EML5: variants seen among roughly 807,000 people sequenced by gnomAD.
The protein encoded by EML5 is EMAP like 5, also known as echinoderm microtubule-associated protein-like 5.
A neutral mutation model predicts 250.0 loss-of-function variants in EML5; 120 were observed. That is an observed-to-expected ratio of 0.48 (90% CI 0.41 to 0.56). The LOEUF (loss-of-function observed/expected upper bound fraction) is 0.56, where lower values mean the gene tolerates loss of function less well. EML5 is among the 20% of genes least tolerant of loss of function. The probability of loss-of-function intolerance (pLI) is 0.00; values close to 1 mark genes in which losing one functional copy is unlikely to be tolerated. For synonymous variants in EML5, 771 were observed against 806.5 expected (o/e 0.96, Z 0.75); for missense variants, 2,006 against 2,437.6 (o/e 0.82, Z 3.73).
intron 14 of EML5, among the ~76,000 whole-genome samples, chr14:88,700,661 C>T (rs993363107): frequency 2.0e-5 from 3 of 152,084 alleles, no homozygotes; most frequent in Non-Finnish European, 4.4e-5. Flanking sequence ...CATCTGTCTA[C>T]CTGAAAACTC....
At chr14:88,688,986 TATC>T (rs765144330) in intron 17 of EML5, among the ~76,000 whole-genome samples, 7 of 152,342 alleles carry the variant, frequency 4.6e-5, no homozygotes, top group Non-Finnish European at 8.8e-5. Flanking sequence ...TTTCTATAAA[TATC>T]ATCCTGTATG....
chr14:88,750,709 T>C (rs1262318948), intron 2 of EML5, among the ~76,000 whole-genome samples: 1 of 152,156 alleles, frequency 6.6e-6, no homozygotes, highest in Non-Finnish European at 1.5e-5. Context: ...TATAAAAAGA[T>C]ACAGAATACA....
chr14:88,726,694 T>A lies in EML5; in HGVS notation c.1050-16A>T, dbSNP rs1281928931. 6.6e-7 allele frequency: 1 copy of A among 1,505,704 alleles called. No homozygotes were observed. Among genetic ancestry groups the A allele is most frequent in the Admixed American group, 2.3e-5 (1 of 44,066 alleles). The allele number at this position is 1,505,704 out of a possible 1,614,324, so 93.3% of individuals were successfully genotyped here. On this transcript the variant is annotated splice_polypyrimidine_tract_variant and intron_variant, in intron 7 of 43. Transcript: ENST00000554922. Reference sequence around the variant, plus strand: ...GCTCCATATCCTGTAAAATTTAATTTAAAAAATAAAAAAGGTTAGCTAATG... The same window carrying A: ...GCTCCATATCCTGTAAAATTTAATTAAAAAAATAAAAAAGGTTAGCTAATG...
At chr14:88,638,713 T>A (rs1567044589) in intron 32 of EML5, 96 bp downstream of exon 32, 1 of 1,037,142 alleles carries the variant, frequency 9.6e-7, no homozygotes, top group Non-Finnish European at 1.4e-6. Context: ...GAACAATCGA[T>A]AAATCAATAA....
chr14:88,765,927 C>T (rs994320999), intron 1 of EML5, among the ~76,000 whole-genome samples: 1 of 152,188 alleles, frequency 6.6e-6, no homozygotes, highest in Non-Finnish European at 1.5e-5. Flanking sequence ...GGCAGAAGAA[C>T]ATAAATTGTG....
At chr14:88,791,037 C>T (rs1410422471) in intron 1 of EML5, among the ~76,000 whole-genome samples, 4 of 152,146 alleles carry the variant, frequency 2.6e-5, no homozygotes, top group Non-Finnish European at 5.9e-5. Flanking sequence ...AAAAAACCAA[C>T]TGAATACAGA....
intron 21 of EML5, among the ~76,000 whole-genome samples, chr14:88,680,496 T>C (rs1003608788): frequency 6.6e-6 from 1 of 151,930 alleles, no homozygotes; most frequent in African/African-American, 2.4e-5. Flanking sequence ...ATGATTTATG[T>C]AATCCCAGTT....
intron 21 of EML5, among the ~76,000 whole-genome samples, chr14:88,669,417 T>C (rs542727334): frequency 4.5e-4 from 68 of 152,130 alleles, no homozygotes; most frequent in Non-Finnish European, 7.8e-4. Context: ...CCTGGGAAAA[T>C]AGACAGTTTA....
rs769524377 is a variant in EML5 at position 88,658,341 on chromosome 14, G to C, written c.3723C>G (p.Val1241=). 6.2e-7 allele frequency: 1 copy of C among 1,613,740 alleles called. No homozygotes were observed. Among genetic ancestry groups the C allele is most frequent in the Non-Finnish European group, 8.5e-7 (1 of 1,179,798 alleles). The change falls in exon 26 of 44, where the codon GTC becomes GTG. Residue 1241 remains valine (V), a synonymous_variant. Coordinates refer to ENST00000554922, the MANE Select transcript of EML5 (RefSeq NM_183387.3). ...CATCATAAGTCCAGCGAACATTTGTGACATGTGTACTATGGGCCACATACC... is the reference window on the plus strand; with the variant it reads ...CATCATAAGTCCAGCGAACATTTGTCACATGTGTACTATGGGCCACATACC... The part of the protein sequence containing the change: ...FKRYVAHSTH[V]TNVRWTYDDS...
At position 88,709,151 on chromosome 14, in the gene EML5, T is replaced by C. The variant is rs560607978; in HGVS notation, c.1658-2725A>G. The stretch of plus-strand genomic sequence containing the variant: ...TTTAATGATATTAAACTTCTAGATA[T>C]GGGAATAATAAATATATGAAAATAT... On this transcript the variant is annotated intron_variant, in intron 10 of 43. Coordinates refer to ENST00000554922, the MANE Select transcript of EML5 (RefSeq NM_183387.3). Among the ~76,000 whole-genome samples, 43 of 120,378 alleles carry C rather than the reference T, an allele frequency of 3.6e-4. 1 individual carries two copies. The highest frequency in any genetic ancestry group is 1.1e-3 in the Admixed American group (13 of 11,806). The allele number at this position is 120,378 out of a possible 152,430, so 79.0% of individuals were successfully genotyped here. A position where few individuals can be genotyped will look rare whatever the true frequency, so the allele number is the denominator to read the frequency against.
At chr14:88,696,802 C>A in intron 15 of EML5, 45 bp downstream of exon 15, 1 of 1,358,770 alleles carries the variant, frequency 7.4e-7, no homozygotes, top group Non-Finnish European at 1.0e-6. Flanking sequence ...CTATGTGTTG[C>A]CTCTGCATTT....
intron 2 of EML5, among the ~76,000 whole-genome samples, chr14:88,752,868 G>A (rs1223017081): frequency 6.6e-6 from 1 of 152,172 alleles, no homozygotes; most frequent in South Asian, 2.1e-4. Flanking sequence ...TTTGGCCCAG[G>A]ATGGTCAGGA....
At chr14:88,641,090 C>T (rs1567048416) in intron 31 of EML5, among the ~76,000 whole-genome samples, 1 of 152,004 alleles carries the variant, frequency 6.6e-6, no homozygotes. Context: ...CTTAAACAGA[C>T]CAATAATGAG....
At chr14:88,746,454 T>C (rs1164711311) in intron 2 of EML5, among the ~76,000 whole-genome samples, 171 bp from the exon 3 acceptor site, 1 of 152,224 alleles carries the variant, frequency 6.6e-6, no homozygotes, top group East Asian at 1.9e-4. Context: ...CTTGTTAGTG[T>C]TTCCACATAT....
intron 33 of EML5, among the ~76,000 whole-genome samples, chr14:88,630,463 C>G (rs2090378778): frequency 6.6e-6 from 1 of 152,128 alleles, no homozygotes; most frequent in South Asian, 2.1e-4. Context: ...TTCTTCCTAC[C>G]AAGGCTCCAG....
At chr14:88,735,227 T>G (rs2093821500) in intron 7 of EML5, among the ~76,000 whole-genome samples, 1 of 152,210 alleles carries the variant, frequency 6.6e-6, no homozygotes, top group African/African-American at 2.4e-5. Context: ...GTAAAAGGCC[T>G]GAGAATTTGC....
At chr14:88,618,918 G>T (rs2088280795) in intron 39 of EML5, 106 bp from the exon 40 acceptor site, 3 of 1,136,460 alleles carry the variant, frequency 2.6e-6, no homozygotes, top group Non-Finnish European at 3.6e-6. Context: ...GTGTGATAAG[G>T]CCTCAAATAG....
intron 21 of EML5, among the ~76,000 whole-genome samples, chr14:88,671,626 A>C (rs1459080350): frequency 6.6e-6 from 1 of 152,166 alleles, no homozygotes; most frequent in Non-Finnish European, 1.5e-5. Context: ...AAAGAGTCAC[A>C]ACCCACTGGT....
At chr14:88,665,648 A>G (rs79495531) in intron 21 of EML5, among the ~76,000 whole-genome samples, 159 bp from the exon 22 acceptor site, 3,533 of 152,288 alleles carry the variant, frequency 0.023, 144 homozygotes, top group African/African-American at 0.081. Context: ...GCAACATAGC[A>G]AGACCCCATC....
Sources: allele counts gnomAD v4.1 joint callset (sites outside exome capture counted in the v4.1 genomes callset), GRCh38; gene constraint gnomAD v4.1.1; transcripts MANE v1.5; gene names NCBI Gene and HGNC (gene_info 2026-07-23, HGNC 2026-07-21).